CDH9: variants seen among roughly 807,000 people sequenced by gnomAD.
CDH9 encodes the protein cadherin 9.
In CDH9, 28 loss-of-function variants were observed where a neutral mutation model predicts 70.9. The ratio of observed to expected loss-of-function variants is 0.40; its 90% CI spans 0.29 to 0.54. The LOEUF is 0.54. Among genes scored for constraint, CDH9 ranks in the 20% least tolerant of loss-of-function variants. The probability of loss-of-function intolerance (pLI) is 0.59; values close to 1 mark genes in which losing one functional copy is unlikely to be tolerated. For missense variants in CDH9, 874 were observed against 984.4 expected (o/e 0.89, Z 1.50); for synonymous variants, 409 against 343.1 (o/e 1.19, Z -2.12).
intron 2 of CDH9, among the ~76,000 whole-genome samples, chr5:26,938,619 T>C (rs1014802580): frequency 6.6e-6 from 1 of 152,114 alleles, no homozygotes; most frequent in Non-Finnish European, 1.5e-5. Flanking sequence ...AGTAAGTGCA[T>C]TCTTCGGCAT....
At chr5:26,986,550 A>G (rs1172786227) in intron 2 of CDH9, among the ~76,000 whole-genome samples, 1 of 152,126 alleles carries the variant, frequency 6.6e-6, no homozygotes, top group East Asian at 1.9e-4. Flanking sequence ...TTTTCAGCTT[A>G]AAATAAATGC....
intron 1 of CDH9, among the ~76,000 whole-genome samples, chr5:27,038,030 G>T (rs2112143088): frequency 6.6e-6 from 1 of 151,796 alleles, no homozygotes; most frequent in African/African-American, 2.4e-5. Flanking sequence ...TGACAATTTT[G>T]ACTCAAGTGA....
chr5:26,897,222 G>A (rs578184663), intron 7 of CDH9, among the ~76,000 whole-genome samples: 8 of 152,080 alleles, frequency 5.3e-5, no homozygotes, highest in African/African-American at 1.4e-4. Flanking sequence ...CGGATTCACA[G>A]CCAAATTTTA....
chr5:26,904,811 G>A (rs1740917268), intron 5 of CDH9, among the ~76,000 whole-genome samples: 1 of 152,004 alleles, frequency 6.6e-6, no homozygotes, highest in Non-Finnish European at 1.5e-5. Context: ...TTCACTCATA[G>A]GTTTGTTTTA....
chr5:26,979,808 C>T (rs1409809304), intron 2 of CDH9, among the ~76,000 whole-genome samples: 1 of 151,502 alleles, frequency 6.6e-6, no homozygotes, highest in East Asian at 1.9e-4. Context: ...GGTTGGTATT[C>T]ATAATGATGA....
chr5:26,916,481 G>A (rs1741151949), intron 2 of CDH9, among the ~76,000 whole-genome samples: 1 of 151,848 alleles, frequency 6.6e-6, no homozygotes, highest in Non-Finnish European at 1.5e-5. Flanking sequence ...TATATATTGT[G>A]TTTTTTCCTA....
intron 3 of CDH9, among the ~76,000 whole-genome samples, chr5:26,907,790 T>C (rs990429780): frequency 2.0e-5 from 3 of 152,112 alleles, no homozygotes; most frequent in East Asian, 3.9e-4. Flanking sequence ...CATTTTTCAG[T>C]ATATTTTACA....
At chr5:26,982,569 A>C (rs1742416496) in intron 2 of CDH9, among the ~76,000 whole-genome samples, 1 of 152,216 alleles carries the variant, frequency 6.6e-6, no homozygotes. Context: ...ATTGTCAAAA[A>C]TTTGGGGAAA....
intron 2 of CDH9, among the ~76,000 whole-genome samples, chr5:26,944,179 A>G (rs10078687): frequency 0.83 from 125,112 of 151,616 alleles, 53,246 homozygotes; most frequent in East Asian, 0.99. Flanking sequence ...ACTTCCTCCA[A>G]TGTAATCACA....
At chr5:26,924,588 G>A (rs1034332792) in intron 2 of CDH9, among the ~76,000 whole-genome samples, 2 of 150,042 alleles carry the variant, frequency 1.3e-5, no homozygotes, top group African/African-American at 4.9e-5. Context: ...TAGAGTACAT[G>A]TGCACAACAT....
At chr5:27,005,143 T>C (rs1468275960) in intron 1 of CDH9, among the ~76,000 whole-genome samples, 1 of 152,114 alleles carries the variant, frequency 6.6e-6, no homozygotes, top group African/African-American at 2.4e-5. Flanking sequence ...TTAAGTATTA[T>C]TAATGGTGAG....
At chr5:26,884,252 C>A (rs1014162256) in intron 11 of CDH9, among the ~76,000 whole-genome samples, 10 of 152,092 alleles carry the variant, frequency 6.6e-5, no homozygotes, top group African/African-American at 2.4e-4. Flanking sequence ...GTTAAAATAT[C>A]TAAACTGATT....
intron 3 of CDH9, among the ~76,000 whole-genome samples, chr5:26,910,256 T>TATC (rs1554036140): frequency 1.6e-3 from 240 of 150,136 alleles, no homozygotes; most frequent in Non-Finnish European, 2.3e-3. Context: ...TCTATCTATC[T>TATC]ATCTATCTGG....
At position 26,980,442 on chromosome 5, in the gene CDH9, C is replaced by T. The variant is rs139810772; in HGVS notation, c.228+7664G>A. Among the ~76,000 whole-genome samples, 70 of 151,640 alleles carry T rather than the reference C, an allele frequency of 4.6e-4. No individual in the cohort carries two copies. In the East Asian group the frequency reaches 0.013, roughly 29 times the overall value. ...TACTCAATTGTCTATCTAAAGTGAC[C>T]CCAATTACCTGAAAAAAATGTTTAA... On this transcript the variant is annotated intron_variant, in intron 2 of 11. Coordinates refer to ENST00000231021, the MANE Select transcript of CDH9 (RefSeq NM_016279.4).
intron 2 of CDH9, among the ~76,000 whole-genome samples, chr5:26,932,982 A>G (rs1205427732): frequency 0.077 from 2 of 26 alleles, no homozygotes; most frequent in East Asian, 0.5. Flanking sequence ...ATATATAATT[A>G]TATAGATAAA....
intron 2 of CDH9, among the ~76,000 whole-genome samples, chr5:26,936,161 G>A (rs1341247286): frequency 6.6e-6 from 1 of 151,982 alleles, no homozygotes; most frequent in African/African-American, 2.4e-5. Context: ...CTGCTAGAGT[G>A]ATGGGTACAC....
chr5:26,890,027 T>C, intron 8 of CDH9, 70 bp from the exon 9 acceptor site: 1 of 1,432,040 alleles, frequency 7.0e-7, no homozygotes, highest in South Asian at 1.2e-5. Context: ...CACCCATTTG[T>C]AGCTTAGCAA....
At chr5:26,941,795 C>A (rs575310719) in intron 2 of CDH9, among the ~76,000 whole-genome samples, 1 of 152,266 alleles carries the variant, frequency 6.6e-6, no homozygotes, top group Admixed American at 6.5e-5. Flanking sequence ...TTGCTTATAA[C>A]GGTCAAGGAA....
chr5:26,962,409 A>G (rs1314680053), intron 2 of CDH9, among the ~76,000 whole-genome samples: 1 of 152,206 alleles, frequency 6.6e-6, no homozygotes, highest in Non-Finnish European at 1.5e-5. Flanking sequence ...AGTCTTCCAC[A>G]ATGGTTGAAT....
Sources: gnomAD v4.1 joint callset for allele counts (sites outside exome capture counted in the v4.1 genomes callset) on GRCh38, gnomAD v4.1.1 for gene constraint, MANE v1.5 for transcripts, NCBI Gene and HGNC (gene_info 2026-07-23, HGNC 2026-07-21) for gene names.